The following GABRG3 variants were observed in gnomAD, a reference collection of about 807,000 sequenced individuals.
GABRG3 encodes gamma-aminobutyric acid receptor subunit gamma-3.
GABRG3 carries 25 observed loss-of-function variants against 48.8 expected under a neutral mutation model. The ratio of observed to expected loss-of-function variants is 0.51; its 90% CI spans 0.37 to 0.72. GABRG3 has a LOEUF of 0.72. GABRG3 is among the 30% of genes least tolerant of loss of function. The pLI is 0.00. For synonymous variants in GABRG3, 227 were observed against 217.6 expected, an observed-to-expected ratio of 1.04 and a Z score of -0.38; for missense variants, 394 against 577.9, an observed-to-expected ratio of 0.68 and a Z score of 3.26.
At chr15:27,493,948 G>C (rs1890420157) in intron 6 of GABRG3, among the ~76,000 whole-genome samples, 1 of 152,118 alleles carries the variant, frequency 6.6e-6, no homozygotes, top group African/African-American at 2.4e-5. Context: ...AGGGACTAAG[G>C]CTTGGCTCTC....
At chr15:27,270,564 A>G (rs1891050104) in intron 3 of GABRG3, among the ~76,000 whole-genome samples, 3 of 152,222 alleles carry the variant, frequency 2.0e-5, no homozygotes, top group African/African-American at 7.2e-5. Flanking sequence ...TGAGAGAAGA[A>G]TCGTGGTTAT....
intron 5 of GABRG3, among the ~76,000 whole-genome samples, chr15:27,369,806 C>CA (rs34901488): frequency 0.056 from 1,677 of 29,848 alleles, 122 homozygotes; most frequent in Middle Eastern, 0.14. Context: ...GACTCCGTCT[C>CA]AAAAAAAAAA....
At chr15:27,438,068 C>T (rs538515223) in intron 5 of GABRG3, among the ~76,000 whole-genome samples, 2 of 152,202 alleles carry the variant, frequency 1.3e-5, no homozygotes, top group Admixed American at 6.5e-5. Flanking sequence ...CAGATTTCAA[C>T]ATGAGATTTG....
intron 3 of GABRG3, among the ~76,000 whole-genome samples, chr15:27,061,964 A>G (rs1896654330): frequency 6.6e-6 from 1 of 152,168 alleles, no homozygotes; most frequent in Non-Finnish European, 1.5e-5. Context: ...GATGCTTCTC[A>G]GGAAGCTGAA....
intron 9 of GABRG3, 59 bp from the exon 10 acceptor site, chr15:27,532,541 C>A: frequency 6.5e-7 from 1 of 1,539,428 alleles, no homozygotes; most frequent in Non-Finnish European, 8.8e-7. Flanking sequence ...GCTTCATACA[C>A]CTCAGGGTGT....
At chr15:27,001,851 A>T (rs1032361679) in intron 2 of GABRG3, among the ~76,000 whole-genome samples, 11 of 145,692 alleles carry the variant, frequency 7.6e-5, no homozygotes, top group Non-Finnish European at 1.3e-4. Context: ...GAGATGGCAG[A>T]AGGGGACTTT....
At chr15:27,387,929 AGGG>A in intron 5 of GABRG3, among the ~76,000 whole-genome samples, 1 of 30,732 alleles carries the variant, frequency 3.3e-5, no homozygotes, top group Non-Finnish European at 6.1e-5. Flanking sequence ...GGAGGGAGGG[AGGG>A]AGGGAAGGAG....
chr15:27,457,501 A>G lies in GABRG3; in HGVS notation c.575-23149A>G, dbSNP rs148828653. Among the ~76,000 whole-genome samples, 184 of 152,166 alleles carry G rather than the reference A, an allele frequency of 1.2e-3. 2 individuals carry two copies. The East Asian group carries it at 0.025, about 21-fold the overall frequency. The stretch of plus-strand genomic sequence containing the variant: ...AGATAAACAATCTTTTAACACAGCA[A>G]TGGGTCTGGGCTTTAAATGAAGAGC... On this transcript the variant is annotated intron_variant, in intron 5 of 9. Coordinates refer to ENST00000615808, the MANE Select transcript of GABRG3 (RefSeq NM_033223.5). This position sits in a 1 kb window ranked among gnomAD's most constrained non-coding sequence, Gnocchi z 4.4.
Position 27,236,072 on chromosome 15 carries a change from G to A in GABRG3, c.271-90737G>A, listed in dbSNP as rs1401481806. Among the ~76,000 whole-genome samples, 3 of 152,170 alleles carry A rather than the reference G, an allele frequency of 2.0e-5. No individual in the cohort carries two copies. The highest frequency in any genetic ancestry group is 2.9e-5 in the Non-Finnish European group (2 of 68,026). On this transcript the variant is annotated intron_variant, in intron 3 of 9. Transcript: ENST00000615808. The surrounding 1 kb of genome is among the most constrained non-coding windows in gnomAD (Gnocchi z 4.4). ...TTATATGAGAGAGACATATTTTGGG[G>A]TAGCATATTCTGGTCTCCTAGTTAT...
chr15:27,065,278 A>G (rs1279174220), intron 3 of GABRG3, among the ~76,000 whole-genome samples: 2 of 152,374 alleles, frequency 1.3e-5, no homozygotes, highest in East Asian at 1.9e-4. Flanking sequence ...TGAAACGTTT[A>G]AATAGGACTT....
At chr15:27,317,697 C>T (rs1387328768) in intron 3 of GABRG3, among the ~76,000 whole-genome samples, 1 of 152,198 alleles carries the variant, frequency 6.6e-6, no homozygotes, top group African/African-American at 2.4e-5. Flanking sequence ...CAACTTCACG[C>T]TGGTGAAGCA....
chr15:27,104,502 C>T (rs1417967006), intron 3 of GABRG3, among the ~76,000 whole-genome samples: 1 of 152,216 alleles, frequency 6.6e-6, no homozygotes, highest in Non-Finnish European at 1.5e-5. Flanking sequence ...ACTGTTCTCT[C>T]ATTCACTCAC....
chr15:27,092,738 G>A (rs1049273840), intron 3 of GABRG3, among the ~76,000 whole-genome samples: 1 of 152,218 alleles, frequency 6.6e-6, no homozygotes, highest in Non-Finnish European at 1.5e-5. Context: ...TTCAGAACAG[G>A]AAGGGCGGGA....
At chr15:27,279,386 A>G (rs1891361436) in intron 3 of GABRG3, among the ~76,000 whole-genome samples, 1 of 152,192 alleles carries the variant, frequency 6.6e-6, no homozygotes, top group Admixed American at 6.5e-5. Flanking sequence ...TCAAAGTTTC[A>G]TAGTTTTACA....
At position 27,500,473 on chromosome 15, in the gene GABRG3, G is replaced by T. The variant is rs572857891; in HGVS notation, c.713-19499G>T. On this transcript the variant is annotated intron_variant, in intron 6 of 9. Transcript: ENST00000615808. The stretch of plus-strand genomic sequence containing the variant: ...GGGAGCTGCAGAAACAGCCGCACCT[G>T]TCAACCTTCGAAAGGTACAGAGTGG... 9.2e-5 allele frequency among the ~76,000 whole-genome samples: 14 copies of T among 152,282 alleles called. No homozygotes were observed. The South Asian group carries it at 1.2e-3, about 14-fold the overall frequency.
intron 3 of GABRG3, among the ~76,000 whole-genome samples, chr15:27,290,843 A>G (rs1891772061): frequency 6.6e-6 from 1 of 152,230 alleles, no homozygotes; most frequent in Non-Finnish European, 1.5e-5. Context: ...CTAGTGTAAA[A>G]ATACTGGCCC....
Position 27,532,631 on chromosome 15 carries a change from C to T in GABRG3, c.1154C>T (p.Pro385Leu). The stretch of plus-strand genomic sequence containing the variant: ...TCCCTCCTGGACATGAGGCCACCAC[C>T]AACTGCGATGATCACTTTAAACAAT... Reference protein sequence around the residue: ...NYSLLDMRPPPTAMITLNNSV... With the variant: ...NYSLLDMRPPLTAMITLNNSV... Residue 385 changes from proline (P) to leucine (L), a missense_variant, in exon 10 of 10, where the codon CCA (proline) becomes CTA (leucine). Physicochemically the swap from Pro to Leu is moderately conservative, Grantham distance 98 (BLOSUM62 -3). Transcript: ENST00000615808. 1 of 1,613,930 alleles carries T rather than the reference C, an allele frequency of 6.2e-7. No homozygotes were observed. Among genetic ancestry groups the T allele is most frequent in the South Asian group, 1.1e-5 (1 of 91,072 alleles).
intron 3 of GABRG3, among the ~76,000 whole-genome samples, chr15:27,258,894 C>T (rs367602527): frequency 3.9e-5 from 6 of 151,948 alleles, no homozygotes; most frequent in Non-Finnish European, 7.3e-5. Context: ...CTCTTCTCTC[C>T]GCAGCCTCCT....
intron 3 of GABRG3, among the ~76,000 whole-genome samples, chr15:27,290,369 G>T (rs886399563): frequency 3.3e-5 from 5 of 151,760 alleles, no homozygotes; most frequent in African/African-American, 1.2e-4. Flanking sequence ...TTGAGTGTGG[G>T]CTCAGTAAAA....
Sources: gnomAD v4.1 joint callset for allele counts (sites outside exome capture counted in the v4.1 genomes callset) on GRCh38, gnomAD v4.1.1 for gene constraint, Gnocchi (gnomAD v3.1) non-coding constraint, MANE v1.5 for transcripts, NCBI Gene and HGNC (gene_info 2026-07-23, HGNC 2026-07-21) for gene names.